Variants in EFHC2 observed in about 807,000 individuals in gnomAD.
EFHC2 encodes the protein EF-hand domain-containing family member C2.
Under a neutral mutation model 52.7 loss-of-function variants are expected in EFHC2, and 18 were observed. The ratio of observed to expected loss-of-function variants is 0.34; its 90% CI spans 0.24 to 0.51. The LOEUF is 0.51. EFHC2 is among the 20% of genes least tolerant of loss of function. EFHC2 has a pLI of 0.97. For missense variants in EFHC2, 513 were observed against 562.5 expected, an observed-to-expected ratio of 0.91 and a Z score of 0.89; for synonymous variants, 203 against 204.1, an observed-to-expected ratio of 0.99 and a Z score of 0.04.
intron 14 of EFHC2, among the ~76,000 whole-genome samples, chrX:44,156,773 G>A (rs777781535): frequency 2.0e-4 from 22 of 112,469 alleles, no homozygotes; most frequent in Middle Eastern, 4.6e-3. Context: ...TTTTTAAAAC[G>A]TGACTTCTGA....
chrX:44,229,830 C>T (rs1437034321), intron 10 of EFHC2, 51 bp from the exon 11 acceptor site: 7 of 1,125,519 alleles, frequency 6.2e-6, no homozygotes, highest in African/African-American at 1.8e-5. Flanking sequence ...CCTAACAGTT[C>T]AGGAGCCCAA....
chrX:44,231,756 G>T (rs780972253), intron 10 of EFHC2, among the ~76,000 whole-genome samples: 1 of 111,644 alleles, frequency 9.0e-6, no homozygotes, highest in African/African-American at 3.3e-5. Context: ...TCACTTATAG[G>T]TAAACTTTTA....
At chrX:44,320,898 C>G (rs2038014753) in intron 1 of EFHC2, among the ~76,000 whole-genome samples, 1 of 110,956 alleles carries the variant, frequency 9.0e-6, no homozygotes, top group African/African-American at 3.3e-5. Context: ...GTCTAGAGTC[C>G]TCTAACTTGA....
chrX:44,224,599 G>A (rs1408582946), intron 11 of EFHC2, among the ~76,000 whole-genome samples: 1 of 112,515 alleles, frequency 8.9e-6, no homozygotes, highest in East Asian at 2.8e-4. Flanking sequence ...TTACATGGAT[G>A]TTCACAGGAG....
At chrX:44,221,695 C>T (rs2037194686) in intron 11 of EFHC2, among the ~76,000 whole-genome samples, 1 of 111,604 alleles carries the variant, frequency 9.0e-6, no homozygotes, top group African/African-American at 3.2e-5. Flanking sequence ...CAAAAACCTG[C>T]TGTGCAATTC....
chrX:44,319,002 C>CTTTTT (rs561439134), intron 1 of EFHC2, among the ~76,000 whole-genome samples: 1 of 91,388 alleles, frequency 1.1e-5, no homozygotes, highest in Non-Finnish European at 2.2e-5. Flanking sequence ...AGGCAAAAGA[C>CTTTTT]TTTTTTTTTT....
Position 44,219,145 on chromosome X carries a change from T to TAA in EFHC2, c.1751+10502_1751+10503dup, listed in dbSNP as rs10669527. On this transcript the variant is annotated intron_variant, in intron 11 of 14. Coordinates refer to ENST00000420999, the MANE Select transcript of EFHC2 (RefSeq NM_025184.4). ...AGAACAGAGAAAAACCACCTATAGT[T>TAA]AAAAAAAAAAAAAAAGCACCTAAAG... Among the ~76,000 whole-genome samples, 11 of 79,365 alleles carry TAA rather than the reference T, an allele frequency of 1.4e-4. 2 individuals carry two copies. The highest frequency in any genetic ancestry group is 3.9e-4 in the East Asian group (1 of 2,533). 68.9% of individuals were successfully genotyped at this position (79,365 alleles called of 115,157 possible).
chrX:44,261,480 G>A (rs764875735), intron 3 of EFHC2, among the ~76,000 whole-genome samples, 182 bp from the exon 4 acceptor site: 10 of 111,295 alleles, frequency 9.0e-5, no homozygotes, highest in Admixed American at 8.6e-4. Flanking sequence ...AGATTTCTGA[G>A]GTTCAGAGCT....
intron 11 of EFHC2, among the ~76,000 whole-genome samples, chrX:44,203,604 T>G (rs2037023565): frequency 9.0e-6 from 1 of 110,874 alleles, no homozygotes; most frequent in Admixed American, 9.6e-5. Flanking sequence ...TTTTTTTATT[T>G]GAGATAGAGT....
At chrX:44,314,851 A>T (rs2037973581) in intron 1 of EFHC2, among the ~76,000 whole-genome samples, 1 of 111,703 alleles carries the variant, frequency 9.0e-6, no homozygotes, top group Non-Finnish European at 1.9e-5. Flanking sequence ...CTTTGTGCCA[A>T]ATATACGAGT....
At chrX:44,269,479 G>T (rs762846708) in intron 3 of EFHC2, among the ~76,000 whole-genome samples, 1 of 111,229 alleles carries the variant, frequency 9.0e-6, no homozygotes, top group South Asian at 3.9e-4. Flanking sequence ...GGTCATGGGG[G>T]TGGATCCCAC....
chrX:44,153,369 T>C (rs1189309771), intron 14 of EFHC2, among the ~76,000 whole-genome samples: 3 of 111,948 alleles, frequency 2.7e-5, no homozygotes, highest in Non-Finnish European at 5.6e-5. Flanking sequence ...CCGGCCCCAT[T>C]GTGCTCTTTC....
In EFHC2 at chrX:44,277,242, G is replaced by T. The variant is rs949264526; in HGVS notation, c.232-4406C>A. Reference sequence around the variant, plus strand: ...CCACTGCACTCCAGCCTGGGCGACAGAGCGAGACTCCAGCTCAAAAAAAAA... The same window carrying T: ...CCACTGCACTCCAGCCTGGGCGACATAGCGAGACTCCAGCTCAAAAAAAAA... On this transcript the variant is annotated intron_variant, in intron 2 of 14. Coordinates refer to ENST00000420999, the MANE Select transcript of EFHC2 (RefSeq NM_025184.4). Among the ~76,000 whole-genome samples the T allele has an allele frequency of 3.5e-5, 3 of 86,804 alleles. No individual in the cohort carries two copies. The Admixed American group carries it at 4.5e-4, about 13-fold the overall frequency. 75.4% of individuals were successfully genotyped at this position (86,804 alleles called of 115,157 possible). A position where few individuals can be genotyped will look rare whatever the true frequency, so the allele number is the denominator to read the frequency against.
intron 2 of EFHC2, among the ~76,000 whole-genome samples, chrX:44,299,463 T>C (rs2037852940): frequency 8.9e-6 from 1 of 112,059 alleles, no homozygotes. Flanking sequence ...CATTCCTTTA[T>C]ATTGATAATA....
In EFHC2 at chrX:44,272,794, T is replaced by C. The variant is rs1334278143; in HGVS notation, c.274A>G (p.Lys92Glu). The C allele has an allele frequency of 4.3e-6, 5 of 1,165,088 alleles. No individual in the cohort carries two copies. The highest frequency in any genetic ancestry group is 6.4e-5 in the East Asian group (2 of 31,154). Residue 92 changes from lysine (K) to glutamate (E), a missense_variant, in exon 3 of 15, where the codon AAA (lysine) becomes GAA (glutamate). By Grantham distance (56) the Lys-to-Glu change is moderately conservative. Coordinates refer to ENST00000420999, the MANE Select transcript of EFHC2 (RefSeq NM_025184.4). The part of the protein sequence containing the change: ...DAYLEEEVLD[K>E]SQTNYRIRYY... ...CTTATTCTGTAGTTGGTTTGGCTTT[T>C]ATCAAGTACTTCCTCTTCCAAATAG...
chrX:44,224,915 G>A (rs2037219596), intron 11 of EFHC2, among the ~76,000 whole-genome samples: 1 of 111,523 alleles, frequency 9.0e-6, no homozygotes, highest in South Asian at 3.8e-4. Flanking sequence ...TCTCAGTGCT[G>A]CTGCTGCTGC....
At chrX:44,204,234 C>CCA (rs1207686606) in intron 11 of EFHC2, among the ~76,000 whole-genome samples, 21 of 55,463 alleles carry the variant, frequency 3.8e-4, no homozygotes, top group African/African-American at 1.2e-3. Context: ...GTAGCAAACC[C>CCA]AAAAAAAAAA....
intron 2 of EFHC2, among the ~76,000 whole-genome samples, chrX:44,311,858 CACAT>C (rs139647539): frequency 0.15 from 16,891 of 110,923 alleles, 1,062 homozygotes; most frequent in African/African-American, 0.24. Flanking sequence ...TATTTAAAGC[CACAT>C]TCAGACTCAA....
intron 2 of EFHC2, among the ~76,000 whole-genome samples, chrX:44,276,672 A>G (rs971494809): frequency 8.9e-6 from 1 of 112,197 alleles, no homozygotes; most frequent in Non-Finnish European, 1.9e-5. Flanking sequence ...TATCTTCATG[A>G]CAGTTGAGTT....
Sources: allele counts gnomAD v4.1 joint callset (sites outside exome capture counted in the v4.1 genomes callset), GRCh38; gene constraint gnomAD v4.1.1; transcripts MANE v1.5; gene names NCBI Gene and HGNC (gene_info 2026-07-23, HGNC 2026-07-21).